ZDHHC7: variants seen among roughly 807,000 people sequenced by gnomAD.
ZDHHC7 encodes the protein zDHHC palmitoyltransferase 7.
A neutral mutation model predicts 34.1 loss-of-function variants in ZDHHC7; 12 were observed. That is an observed-to-expected ratio of 0.35 (90% CI 0.23 to 0.57). The LOEUF (loss-of-function observed/expected upper bound fraction) is 0.57. ZDHHC7 is among the 20% of genes least tolerant of loss of function. The pLI, the probability that ZDHHC7 is intolerant of heterozygous loss-of-function variation, is 0.84. For missense variants in ZDHHC7, 388 were observed against 402.7 expected (o/e 0.96, Z 0.31); for synonymous variants, 185 against 155.4 (o/e 1.19, Z -1.42).
chr16:85,018,503 A>G, the ZDHHC7 span, among the ~76,000 whole-genome samples: 2 of 151,648 alleles, frequency 1.3e-5, no homozygotes, highest in Admixed American at 6.6e-5. Flanking sequence ...GCTAGAGTGC[A>G]ATGGCACGAT....
chr16:84,998,657 G>A (rs1451449880), intron 1 of ZDHHC7, among the ~76,000 whole-genome samples: 4 of 151,548 alleles, frequency 2.6e-5, no homozygotes, highest in South Asian at 2.1e-4. Context: ...CTCAGGGGTC[G>A]CTTTTCCCTC....
Position 84,983,960 on chromosome 16 carries a change from C to A in ZDHHC7, c.316-1966G>T, listed in dbSNP as rs575056336. The stretch of plus-strand genomic sequence containing the variant: ...TGAGCCAAGATCACGCCACTGCACT[C>A]CAGCAAAAAAAAAAAAAAAATTTTT... On this transcript the variant is annotated intron_variant, in intron 3 of 7. Transcript: ENST00000313732. 5.9e-3 allele frequency among the ~76,000 whole-genome samples: 567 copies of A among 95,762 alleles called. 3 individuals carry two copies. The highest frequency in any genetic ancestry group is 0.035 in the African/African-American group (532 of 15,206). 62.8% of individuals were successfully genotyped at this position (95,762 alleles called of 152,430 possible).
In ZDHHC7 at chr16:84,974,850, G is replaced by A. The variant is rs1484296801; in HGVS notation, c.*1493C>T. 2 of 152,848 alleles carry A rather than the reference G, an allele frequency of 1.3e-5. No individual in the cohort carries two copies. Among genetic ancestry groups the A allele is most frequent in the African/African-American group, 2.4e-5 (1 of 41,576 alleles). 9.5% of individuals were successfully genotyped at this position (152,848 alleles called of 1,614,324 possible). ...GACGGTGGCTCAGGTAGGTCCCTTT[G>A]TGGTTTTGCATCAGCAGTGGTAGAA... On this transcript the variant is annotated 3_prime_UTR_variant, in exon 8 of 8. Transcript: ENST00000313732.
intron 7 of ZDHHC7, among the ~76,000 whole-genome samples, chr16:84,976,775 T>C (rs1463532458): frequency 2.0e-5 from 3 of 152,254 alleles, no homozygotes; most frequent in Non-Finnish European, 4.4e-5. Context: ...CGTTAGTTAC[T>C]GTGTACAGAC....
chr16:84,993,852 T>C (rs2072541421), intron 2 of ZDHHC7, among the ~76,000 whole-genome samples: 1 of 152,162 alleles, frequency 6.6e-6, no homozygotes, highest in Non-Finnish European at 1.5e-5. Context: ...TCATTCACCC[T>C]GCAGGGCCTA....
the ZDHHC7 span, among the ~76,000 whole-genome samples, chr16:85,017,553 A>C: frequency 6.6e-6 from 1 of 152,172 alleles, no homozygotes. Flanking sequence ...GAAACAACCT[A>C]AATGTCCATG....
chr16:85,019,511 A>G, the ZDHHC7 span, among the ~76,000 whole-genome samples: 1 of 152,146 alleles, frequency 6.6e-6, no homozygotes, highest in Non-Finnish European at 1.5e-5. Context: ...TGAGGTCAGG[A>G]GTTCGAGACC....
intron 4 of ZDHHC7, 47 bp downstream of exon 4, chr16:84,981,823 A>T (rs1281641163): frequency 4.3e-6 from 7 of 1,612,520 alleles, no homozygotes; most frequent in Non-Finnish European, 5.1e-6. Context: ...CAGCACACGT[A>T]CCCGCAGTGG....
At chr16:84,981,804 T>A in intron 4 of ZDHHC7, 66 bp downstream of exon 4, 1 of 1,611,004 alleles carries the variant, frequency 6.2e-7, no homozygotes, top group African/African-American at 1.3e-5. Context: ...GCACTCTGGT[T>A]TAATACAGCA....
intron 1 of ZDHHC7, chr16:85,004,990 G>C (rs1264742647): frequency 1.3e-5 from 2 of 152,206 alleles, no homozygotes; most frequent in Non-Finnish European, 2.9e-5. Flanking sequence ...GGCCAGATGA[G>C]GTGGCCTCCA....
At chr16:85,024,010 C>A in the ZDHHC7 span, among the ~76,000 whole-genome samples, 6 of 152,246 alleles carry the variant, frequency 3.9e-5, no homozygotes, top group African/African-American at 9.6e-5. Context: ...CTCCACCTCC[C>A]GGGTTCAAGC....
intron 2 of ZDHHC7, among the ~76,000 whole-genome samples, chr16:84,995,090 T>C (rs181202792): frequency 1.1e-3 from 164 of 152,250 alleles, no homozygotes; most frequent in South Asian, 3.3e-3. Flanking sequence ...CTGCACTGAA[T>C]TCCAAAACCA....
At chr16:85,024,766 AC>A in the ZDHHC7 span, among the ~76,000 whole-genome samples, 1 of 152,046 alleles carries the variant, frequency 6.6e-6, no homozygotes, top group African/African-American at 2.4e-5. Flanking sequence ...AGTGGGGCTG[AC>A]CCCTACTCCT....
chr16:84,986,472 G>A (rs985965467), intron 3 of ZDHHC7, among the ~76,000 whole-genome samples: 7 of 152,206 alleles, frequency 4.6e-5, no homozygotes, highest in African/African-American at 1.4e-4. Context: ...CACGGCTGCC[G>A]AGAAGGCTCG....
the ZDHHC7 span, among the ~76,000 whole-genome samples, chr16:85,021,538 G>T: frequency 1.3e-5 from 2 of 151,550 alleles, no homozygotes; most frequent in African/African-American, 2.4e-5. Context: ...GTGAAACCTT[G>T]TCTCTACTAA....
At chr16:85,014,134 C>A (rs564917352), upstream of ZDHHC7, among the ~76,000 whole-genome samples, 1 of 152,248 alleles carries the variant, frequency 6.6e-6, no homozygotes, top group South Asian at 2.1e-4. Flanking sequence ...GGGATCCTCA[C>A]CACATAATTC....
At chr16:85,002,757 C>T (rs2072669650) in intron 1 of ZDHHC7, among the ~76,000 whole-genome samples, 2 of 152,174 alleles carry the variant, frequency 1.3e-5, no homozygotes, top group African/African-American at 2.4e-5. Flanking sequence ...CGGAATGATC[C>T]TTCCTCCCTG....
intron 3 of ZDHHC7, among the ~76,000 whole-genome samples, chr16:84,986,540 G>C (rs80153259): frequency 0.029 from 4,464 of 152,274 alleles, 222 homozygotes; most frequent in African/African-American, 0.1. Flanking sequence ...AGGGATGCAG[G>C]GCCCAGGGCC....
the ZDHHC7 span, among the ~76,000 whole-genome samples, chr16:85,021,667 G>C: frequency 6.7e-6 from 1 of 149,698 alleles, no homozygotes; most frequent in Admixed American, 6.6e-5. Flanking sequence ...GCAGTGAGCA[G>C]AGATTGTGCC....
Sources: gnomAD v4.1 joint callset for allele counts (sites outside exome capture counted in the v4.1 genomes callset) on GRCh38, gnomAD v4.1.1 for gene constraint, MANE v1.5 for transcripts, NCBI Gene and HGNC (gene_info 2026-07-23, HGNC 2026-07-21) for gene names.